Variants in PKP2 observed in about 807,000 individuals in gnomAD.
The protein encoded by PKP2 is plakophilin-2.
A neutral mutation model predicts 83.4 loss-of-function variants in PKP2; 73 were observed. That is an observed-to-expected ratio of 0.88 (90% CI 0.72 to 1.06). The LOEUF (loss-of-function observed/expected upper bound fraction) is 1.06, where lower values mean the gene tolerates loss of function less well. PKP2 is among the 50% of genes least tolerant of loss of function. The pLI is 0.00. For missense variants in PKP2, 966 were observed against 1,065.4 expected (o/e 0.91, Z 1.30); for synonymous variants, 409 against 430.4 (o/e 0.95, Z 0.62).
intron 1 of PKP2, among the ~76,000 whole-genome samples, chr12:32,889,422 G>A (rs1957058533): frequency 6.6e-6 from 1 of 152,192 alleles, no homozygotes; most frequent in African/African-American, 2.4e-5. Context: ...GTGGGGCCAC[G>A]TTAAAACAAA....
intron 4 of PKP2, among the ~76,000 whole-genome samples, chr12:32,851,530 G>A (rs1176429815): frequency 1.3e-5 from 2 of 152,028 alleles, no homozygotes; most frequent in Admixed American, 6.5e-5. Flanking sequence ...ATGCAGTGGC[G>A]GGATGTCGGC....
chr12:32,869,146 GA>G, intron 3 of PKP2, 84 bp from the exon 4 acceptor site: 1 of 1,469,314 alleles, frequency 6.8e-7, no homozygotes, highest in Non-Finnish European at 9.5e-7. Context: ...ACGACTCAGC[GA>G]ATACTGGGAA....
In PKP2 at chr12:32,877,833, G is replaced by C. The variant is rs941622535; in HGVS notation, c.1034+13C>G. The C allele has an allele frequency of 5.0e-6, 8 of 1,585,726 alleles. No homozygotes were observed. The African/African-American group carries it at 9.4e-5, about 19-fold the overall frequency. ...TGGCAATGACTGAACTGCAGAGTCA[G>C]GAGGGGACTTACCCCAGCTGGGAGT... On this transcript the variant is annotated intron_variant, in intron 3 of 12. Transcript: ENST00000340811.
chr12:32,890,145 T>A (rs1301150136), intron 1 of PKP2, among the ~76,000 whole-genome samples: 1 of 150,500 alleles, frequency 6.6e-6, no homozygotes, highest in Non-Finnish European at 1.5e-5. Flanking sequence ...TATATTTGAA[T>A]AATATATGTT....
chr12:32,807,920 T>C (rs1956241651), intron 9 of PKP2, among the ~76,000 whole-genome samples: 1 of 152,218 alleles, frequency 6.6e-6, no homozygotes, highest in South Asian at 2.1e-4. Flanking sequence ...TGGGCTTACC[T>C]TTGTAGGTGA....
chr12:32,832,591 C>G (rs1000942176), intron 6 of PKP2, among the ~76,000 whole-genome samples: 3 of 152,096 alleles, frequency 2.0e-5, no homozygotes, highest in Non-Finnish European at 4.4e-5. Flanking sequence ...ATAACTGAGG[C>G]TGAAGTTGAT....
intron 10 of PKP2, among the ~76,000 whole-genome samples, chr12:32,798,476 CTT>C (rs139936079): frequency 5.6e-5 from 8 of 143,122 alleles, no homozygotes; most frequent in African/African-American, 5.1e-5. Flanking sequence ...TTGAGTTTGG[CTT>C]TTTTTTTTTG....
At chr12:32,888,768 C>T (rs931120914) in intron 1 of PKP2, among the ~76,000 whole-genome samples, 2 of 150,322 alleles carry the variant, frequency 1.3e-5, no homozygotes, top group Admixed American at 6.7e-5. Context: ...GCTGGGATTA[C>T]AGGCGTGAGC....
intron 5 of PKP2, among the ~76,000 whole-genome samples, chr12:32,844,293 C>CT (rs1266905832): frequency 1.2e-4 from 19 of 152,126 alleles, no homozygotes; most frequent in African/African-American, 4.3e-4. Flanking sequence ...CACACATACC[C>CT]TCACACAAAA....
chr12:32,822,601 T>G lies in PKP2; in HGVS notation c.1705A>C (p.Asn569His), dbSNP rs773935751. 6.2e-7 allele frequency: 1 copy of G among 1,613,990 alleles called. No individual in the cohort carries two copies. The highest frequency in any genetic ancestry group is 1.7e-5 in the Admixed American group (1 of 59,988). The change falls in exon 8 of 13, where the codon AAC (asparagine) becomes CAC (histidine). Residue 569 changes from asparagine to histidine, a missense_variant. Coordinates refer to ENST00000340811, the MANE Select transcript of PKP2 (RefSeq NM_001005242.3). ...TCTGCCTCCAGCTGGTAGGAGAGGTTATGAAGAATGCACACACAATTCTCC... is the reference window on the plus strand; with the variant it reads ...TCTGCCTCCAGCTGGTAGGAGAGGTGATGAAGAATGCACACACAATTCTCC... ...ATENCVCILHNLSYQLEAELP... is the reference protein window; with the variant it reads ...ATENCVCILHHLSYQLEAELP...
intron 10 of PKP2, among the ~76,000 whole-genome samples, chr12:32,797,433 G>C (rs11052242): frequency 0.22 from 16,572 of 76,204 alleles, 1,355 homozygotes; most frequent in Middle Eastern, 0.46. Flanking sequence ...GCAACAGAGA[G>C]AGACCCTGTC....
chr12:32,816,722 C>G (rs1254487453), intron 9 of PKP2, among the ~76,000 whole-genome samples: 1 of 152,092 alleles, frequency 6.6e-6, no homozygotes, highest in Non-Finnish European at 1.5e-5. Context: ...GTAAGTGTTC[C>G]CTTCTCTCCA....
chr12:32,881,297 C>G (rs530360509), intron 1 of PKP2, among the ~76,000 whole-genome samples: 28 of 152,188 alleles, frequency 1.8e-4, no homozygotes, highest in Non-Finnish European at 3.5e-4. Context: ...TGAGATAAAC[C>G]AGGCATCTCC....
chr12:32,805,538 C>T (rs946166870), intron 9 of PKP2, among the ~76,000 whole-genome samples: 5 of 152,204 alleles, frequency 3.3e-5, no homozygotes, highest in African/African-American at 1.2e-4. Context: ...CCAGTTCTCC[C>T]AGCACCGTTT....
Position 32,869,038 on chromosome 12 carries a change from C to T in PKP2, c.1059G>A (p.Leu353=), listed in dbSNP as rs1290572444. The T allele has an allele frequency of 6.2e-7, 1 of 1,614,028 alleles. No individual in the cohort carries two copies. The highest frequency in any genetic ancestry group is 1.1e-5 in the South Asian group (1 of 91,086). ...CCTCGAGCATACTCACTGCTCGCTC[C>T]AGAGTCATCTCCATGTCTGCATTCC... The part of the protein sequence containing the change: ...QLGNADMEMT[L]ERAVSMLEAD... The change falls in exon 4 of 13, where the codon CTG becomes CTA. Residue 353 remains leucine, a synonymous_variant. Coordinates refer to ENST00000340811, the MANE Select transcript of PKP2 (RefSeq NM_001005242.3).
At chr12:32,837,245 G>A (rs1387889119) in intron 6 of PKP2, among the ~76,000 whole-genome samples, 1 of 152,156 alleles carries the variant, frequency 6.6e-6, no homozygotes, top group African/African-American at 2.4e-5. Flanking sequence ...AAATACTAAT[G>A]TATCTAGCAT....
chr12:32,869,022 T>C lies in PKP2; in HGVS notation c.1075A>G (p.Met359Val), dbSNP rs1336886985. The change falls in exon 4 of 13, where the codon ATG becomes GTG. Residue 359 changes from methionine to valine, a missense_variant. Met to Val is a conservative substitution (Grantham distance 21). Transcript: ENST00000340811. ...MEMTLERAVS[M>V]LEADHMLPSR... ...GGCAGCATGTGGTCTGCCTCGAGCATACTCACTGCTCGCTCCAGAGTCATC... is the reference window on the plus strand; with the variant it reads ...GGCAGCATGTGGTCTGCCTCGAGCACACTCACTGCTCGCTCCAGAGTCATC... 14 of 1,613,704 alleles carry C rather than the reference T, an allele frequency of 8.7e-6. No individual in the cohort carries two copies. The highest frequency in any genetic ancestry group is 1.2e-5 in the Non-Finnish European group (14 of 1,179,670).
At chr12:32,847,068 T>A (rs7304398) in intron 5 of PKP2, among the ~76,000 whole-genome samples, 2 of 151,708 alleles carry the variant, frequency 1.3e-5, no homozygotes, top group African/African-American at 4.8e-5. Context: ...ACAGAAAGCC[T>A]TAGCTTAGTG....
intron 5 of PKP2, among the ~76,000 whole-genome samples, chr12:32,850,098 T>C (rs571776565): frequency 1.4e-4 from 22 of 152,368 alleles, no homozygotes; most frequent in Admixed American, 1.4e-3. Flanking sequence ...ATCCTACACG[T>C]TCTTAAACTA....
Sources: gnomAD v4.1 joint callset for allele counts (sites outside exome capture counted in the v4.1 genomes callset) on GRCh38, gnomAD v4.1.1 for gene constraint, MANE v1.5 for transcripts, NCBI Gene and HGNC (gene_info 2026-07-23, HGNC 2026-07-21) for gene names.